Variants in KDSR observed in about 807,000 individuals in gnomAD.
KDSR encodes the protein 3-ketodihydrosphingosine reductase, also known as 3-dehydrosphinganine reductase.
A neutral mutation model predicts 41.3 loss-of-function variants in KDSR; 23 were observed. The observed-to-expected ratio is 0.56, with a 90% confidence interval of 0.40 to 0.79. The LOEUF (loss-of-function observed/expected upper bound fraction) is 0.79, where lower values mean the gene tolerates loss of function less well. KDSR is among the 30% of genes least tolerant of loss of function. The pLI is 0.00. For synonymous variants in KDSR, 138 were observed against 151.7 expected, an observed-to-expected ratio of 0.91 and a Z score of 0.66; for missense variants, 351 against 416.8, an observed-to-expected ratio of 0.84 and a Z score of 1.37.
At chr18:63,348,567 T>C (rs1914580637) in intron 6 of KDSR, among the ~76,000 whole-genome samples, 1 of 151,982 alleles carries the variant, frequency 6.6e-6, no homozygotes, top group Non-Finnish European at 1.5e-5. Context: ...TTTTTTTAAG[T>C]GAGGGTATTT....
chr18:63,332,762 G>A (rs1914044300), intron 9 of KDSR, among the ~76,000 whole-genome samples: 1 of 150,804 alleles, frequency 6.6e-6, no homozygotes, highest in Non-Finnish European at 1.5e-5. Context: ...AACCCAGGAG[G>A]CAGAGCGTGC....
chr18:63,366,844 G>A (rs545322963), intron 1 of KDSR, among the ~76,000 whole-genome samples, 167 bp downstream of exon 1: 4 of 152,314 alleles, frequency 2.6e-5, no homozygotes, highest in African/African-American at 4.8e-5. Flanking sequence ...CGGGTGCCGG[G>A]GCCGGGGGAA....
Position 63,367,102 on chromosome 18 carries a change from G to A in KDSR, c.17C>T (p.Ala6Val), listed in dbSNP as rs201568510. The change falls in exon 1 of 10, where the codon GCC becomes GTC. Residue 6 changes from alanine (A) to valine (V), a missense_variant. Ala to Val is a moderately conservative substitution (Grantham distance 64). Coordinates refer to ENST00000645214, the MANE Select transcript of KDSR (RefSeq NM_002035.4). ...CAGCACGAAGGCCACGAGGAAGGCGGCAGCCAGCAGCAGCATCGCTCCGCG... is the reference window on the plus strand; with the variant it reads ...CAGCACGAAGGCCACGAGGAAGGCGACAGCCAGCAGCAGCATCGCTCCGCG... MLLLA[A>V]AFLVAFVLLL... 1.5e-6 allele frequency: 2 copies of A among 1,327,962 alleles called. No individual in the cohort carries two copies. Among genetic ancestry groups the A allele is most frequent in the Admixed American group, 3.1e-5 (1 of 32,778 alleles). The allele number at this position is 1,327,962 out of a possible 1,614,324, so 82.3% of individuals were successfully genotyped here.
intron 6 of KDSR, among the ~76,000 whole-genome samples, chr18:63,349,270 C>A (rs528342557): frequency 6.6e-6 from 1 of 152,188 alleles, no homozygotes; most frequent in East Asian, 1.9e-4. Flanking sequence ...GTGGTCTTAG[C>A]TACTTGGGAG....
Position 63,359,806 on chromosome 18 carries a change from A to G in KDSR, c.199-14T>C, listed in dbSNP as rs1474192026. 2 of 1,590,906 alleles carry G rather than the reference A, an allele frequency of 1.3e-6. No individual in the cohort carries two copies. The highest frequency in any genetic ancestry group is 3.3e-5 in the Admixed American group (2 of 59,996). On this transcript the variant is annotated splice_polypyrimidine_tract_variant and intron_variant, in intron 2 of 9. Coordinates refer to ENST00000645214, the MANE Select transcript of KDSR (RefSeq NM_002035.4). Reference sequence around the variant, plus strand: ...CAGCAGCTTATCCTGAAAGCAATACAGAATAATTAGTCGTGATGACCGTCT... The same window carrying G: ...CAGCAGCTTATCCTGAAAGCAATACGGAATAATTAGTCGTGATGACCGTCT...
rs143344296 is a variant in KDSR at position 63,339,250 on chromosome 18, G to A, written c.694-367C>T. On this transcript the variant is annotated intron_variant, in intron 7 of 9. Transcript: ENST00000645214. The stretch of plus-strand genomic sequence containing the variant: ...CTGAATGATGGTGCTTTTCTGTAGA[G>A]GCTAGACCTGTGTCCAGAGCAAGCC... 2.0e-5 allele frequency among the ~76,000 whole-genome samples: 3 copies of A among 151,792 alleles called. No individual in the cohort carries two copies. In the East Asian group the frequency reaches 6.2e-4, roughly 31 times the overall value.
intron 1 of KDSR, 94 bp from the exon 2 acceptor site, chr18:63,362,962 A>T: frequency 1.3e-6 from 1 of 772,998 alleles, no homozygotes; most frequent in South Asian, 1.6e-5. Context: ...CTTAAAATGA[A>T]TCTACAAGAA....
chr18:63,350,820 TA>T (rs1180018332), intron 6 of KDSR, 67 bp downstream of exon 6: 21 of 1,165,448 alleles, frequency 1.8e-5, no homozygotes, highest in Non-Finnish European at 1.8e-5. Flanking sequence ...AAAGAAGCTA[TA>T]AAACTAAAGC....
At chr18:63,350,757 T>C in intron 6 of KDSR, 131 bp downstream of exon 6, 1 of 696,856 alleles carries the variant, frequency 1.4e-6, no homozygotes, top group Non-Finnish European at 2.4e-6. Context: ...GAGCCAATTC[T>C]CTTTCACCAA....
Position 63,329,992 on chromosome 18 carries a change from C to T in KDSR, c.*1790G>A, listed in dbSNP as rs1913928822. ...CCATTCTGGCATCAACCCATCCTTACAAGCTGCAATGAAATCATTCCAAGC... is the reference window on the plus strand; with the variant it reads ...CCATTCTGGCATCAACCCATCCTTATAAGCTGCAATGAAATCATTCCAAGC... On this transcript the variant is annotated 3_prime_UTR_variant, in exon 10 of 10. Coordinates refer to ENST00000645214, the MANE Select transcript of KDSR (RefSeq NM_002035.4). The T allele has an allele frequency of 5.3e-6, 1 of 188,564 alleles. No homozygotes were observed. The allele number at this position is 188,564 out of a possible 1,614,324, so 11.7% of individuals were successfully genotyped here.
rs1914815654 is a variant in KDSR at position 63,357,032 on chromosome 18, G to T, written c.256-1469C>A. On this transcript the variant is annotated intron_variant, in intron 3 of 9. Coordinates refer to ENST00000645214, the MANE Select transcript of KDSR (RefSeq NM_002035.4). Reference sequence around the variant, plus strand: ...CAGGGACCTGACGGAATAAGCTCTGGTGTACTTCAATCCTAGGCTGCAGCA... The same window carrying T: ...CAGGGACCTGACGGAATAAGCTCTGTTGTACTTCAATCCTAGGCTGCAGCA... Among the ~76,000 whole-genome samples the T allele has an allele frequency of 2.0e-5, 3 of 152,216 alleles. 1 individual carries two copies. Among genetic ancestry groups the T allele is most frequent in the Admixed American group, 2.0e-4 (3 of 15,280 alleles).
At chr18:63,335,720 C>A (rs919575477) in intron 8 of KDSR, 1 of 162,758 alleles carries the variant, frequency 6.1e-6, no homozygotes, top group Non-Finnish European at 1.3e-5. Context: ...ATTGTCACCT[C>A]TACTACCACA....
At chr18:63,345,075 G>C (rs1016902976) in intron 6 of KDSR, 3 of 152,346 alleles carry the variant, frequency 2.0e-5, no homozygotes, top group Non-Finnish European at 4.4e-5. Context: ...CTGTATAACC[G>C]GCCTCTGCAC....
At chr18:63,361,062 A>G (rs1914963896) in intron 2 of KDSR, among the ~76,000 whole-genome samples, 4 of 91,780 alleles carry the variant, frequency 4.4e-5, no homozygotes, top group South Asian at 9.0e-4. Context: ...ATATATATGT[A>G]AATATATATA....
At chr18:63,366,754 C>G (rs1463471124) in intron 1 of KDSR, 1 of 371,150 alleles carries the variant, frequency 2.7e-6, no homozygotes, top group African/African-American at 2.1e-5. Flanking sequence ...CCCGGGAACC[C>G]TGCGGCCGGC....
In KDSR at chr18:63,367,092, G is replaced by C. The variant is rs747370352; in HGVS notation, c.27C>G (p.Leu9=). The C allele has an allele frequency of 7.5e-7, 1 of 1,335,572 alleles. No homozygotes were observed. 82.7% of individuals were successfully genotyped at this position (1,335,572 alleles called of 1,614,324 possible). A position where few individuals can be genotyped will look rare whatever the true frequency, so the allele number is the denominator to read the frequency against. MLLLAAAF[L]VAFVLLLYMV... is the part of the protein sequence containing the mutation. Reference sequence around the variant, plus strand: ...TGTACAGCAGCAGCACGAAGGCCACGAGGAAGGCGGCAGCCAGCAGCAGCA... The same window carrying C: ...TGTACAGCAGCAGCACGAAGGCCACCAGGAAGGCGGCAGCCAGCAGCAGCA... Residue 9 remains leucine (L), a synonymous_variant, in exon 1 of 10, where the codon CTC becomes CTG. Transcript: ENST00000645214.
chr18:63,342,485 A>G (rs1013309651), intron 7 of KDSR, among the ~76,000 whole-genome samples: 3 of 152,208 alleles, frequency 2.0e-5, no homozygotes, highest in East Asian at 3.8e-4. Context: ...AGAATGTCCA[A>G]TGTGCTCACA....
chr18:63,340,161 C>T (rs1377434783), intron 7 of KDSR, among the ~76,000 whole-genome samples: 1 of 152,204 alleles, frequency 6.6e-6, no homozygotes, highest in Admixed American at 6.5e-5. Flanking sequence ...AAAACCCCAA[C>T]TTAATCAACA....
chr18:63,364,592 C>T (rs1425874586), intron 1 of KDSR, among the ~76,000 whole-genome samples: 1 of 152,008 alleles, frequency 6.6e-6, no homozygotes, highest in Non-Finnish European at 1.5e-5. Flanking sequence ...TACAGGCGTG[C>T]GCCAGCACGC....
Sources: gnomAD v4.1 joint callset for allele counts (sites outside exome capture counted in the v4.1 genomes callset) on GRCh38, gnomAD v4.1.1 for gene constraint, MANE v1.5 for transcripts, NCBI Gene and HGNC (gene_info 2026-07-23, HGNC 2026-07-21) for gene names.